The following TVP23A variants were observed in gnomAD, a reference collection of about 807,000 sequenced individuals.
TVP23A encodes the protein trans-golgi network vesicle protein 23 homolog A, also known as Golgi apparatus membrane protein TVP23 homolog A.
TVP23A carries 21 observed loss-of-function variants against 31.7 expected under a neutral mutation model. That is an observed-to-expected ratio of 0.66 (90% CI 0.47 to 0.95). TVP23A has a LOEUF of 0.95. TVP23A is among the 40% of genes least tolerant of loss of function. The probability of loss-of-function intolerance (pLI) is 0.00; values close to 1 mark genes in which losing one functional copy is unlikely to be tolerated. For missense variants in TVP23A, 279 were observed against 255.6 expected, an observed-to-expected ratio of 1.09 and a Z score of -0.62; for synonymous variants, 104 against 96.0, an observed-to-expected ratio of 1.08 and a Z score of -0.49.
At chr16:10,788,588 T>A (rs138615027) in intron 2 of TVP23A, among the ~76,000 whole-genome samples, 6,279 of 152,070 alleles carry the variant, frequency 0.041, 423 homozygotes, top group African/African-American at 0.14. Flanking sequence ...TTCATAAAGG[T>A]GGGAGCCAGG....
chr16:10,802,241 CGTGTGTGTGTGTGTGTGTGT>C (rs61036988), intron 2 of TVP23A, among the ~76,000 whole-genome samples: 10 of 130,486 alleles, frequency 7.7e-5, no homozygotes, highest in South Asian at 5.4e-4. Context: ...TTATATGATA[CGTGTGTGTGTGTGTGTGTGT>C]GTGTGTGTGT....
Position 10,818,531 on chromosome 16 carries a change from G to C in TVP23A, c.-38C>G, listed in dbSNP as rs1293231442. 13 of 1,595,910 alleles carry C rather than the reference G, an allele frequency of 8.1e-6. No homozygotes were observed. Among genetic ancestry groups the C allele is most frequent in the African/African-American group, 1.3e-5 (1 of 74,658 alleles). On this transcript the variant is annotated 5_prime_UTR_variant, in exon 1 of 8. Transcript: ENST00000299866. The surrounding 1 kb of genome is among the most constrained non-coding windows in gnomAD (Gnocchi z 4.7). ...AGCCCACCTGGCGCCCAGGCCCGGG[G>C]CTCCAGCTCCGCCCGTCGCCGCTGA...
At chr16:10,811,740 T>C (rs886094275) in intron 2 of TVP23A, among the ~76,000 whole-genome samples, 3 of 151,300 alleles carry the variant, frequency 2.0e-5, no homozygotes, top group African/African-American at 4.9e-5. Context: ...CCGTCTCTAC[T>C]AAAAATACAA....
At chr16:10,791,150 T>G (rs1449347461) in intron 2 of TVP23A, among the ~76,000 whole-genome samples, 1 of 152,116 alleles carries the variant, frequency 6.6e-6, no homozygotes, top group Non-Finnish European at 1.5e-5. Flanking sequence ...ATCACTCTAC[T>G]TATTGCTTGA....
chr16:10,766,727 G>A lies in TVP23A; in HGVS notation c.*2375C>T. The stretch of plus-strand genomic sequence containing the variant: ...AAAATGAAAGTCAACTCCACGGTGT[G>A]GGAGGAGAACGGGCCTGAGAATAGG... On this transcript the variant is annotated 3_prime_UTR_variant, in exon 8 of 8. Transcript: ENST00000299866. The surrounding 1 kb of genome is among the most constrained non-coding windows in gnomAD (Gnocchi z 4.8). 5.1e-6 allele frequency: 2 copies of A among 392,136 alleles called. No homozygotes were observed. Among genetic ancestry groups the A allele is most frequent in the Non-Finnish European group, 9.0e-6 (2 of 222,460 alleles). The allele number at this position is 392,136 out of a possible 1,614,324, so 24.3% of individuals were successfully genotyped here. A position where few individuals can be genotyped will look rare whatever the true frequency, so the allele number is the denominator to read the frequency against.
chr16:10,810,606 G>A (rs2034153051), intron 2 of TVP23A, among the ~76,000 whole-genome samples: 1 of 151,890 alleles, frequency 6.6e-6, no homozygotes, highest in African/African-American at 2.4e-5. Context: ...TTCCCAATCT[G>A]GATGGGCATT....
chr16:10,773,663 T>C (rs2031790497), intron 4 of TVP23A, among the ~76,000 whole-genome samples: 1 of 152,112 alleles, frequency 6.6e-6, no homozygotes, highest in Non-Finnish European at 1.5e-5. Flanking sequence ...CTCCGCCTCC[T>C]GGGTTCAAGT....
chr16:10,761,807 C>T (rs2029945827), downstream of TVP23A: 2 of 1,614,006 alleles, frequency 1.2e-6, no homozygotes, highest in Non-Finnish European at 1.7e-6. Context: ...AGCTCATGTG[C>T]CAGGACTTGG....
In TVP23A at chr16:10,769,008, A is replaced by C. The variant is rs1310734724; in HGVS notation, c.*94T>G. On this transcript the variant is annotated 3_prime_UTR_variant, in exon 8 of 8. Coordinates refer to ENST00000299866, the MANE Select transcript of TVP23A (RefSeq NM_001079512.4). ...AGGACAGGGCTGTCAAGGGGTAGAC[A>C]AGCCATTAGCACTCTATGCCTGTCG... The C allele has an allele frequency of 1.9e-6, 3 of 1,589,934 alleles. No homozygotes were observed. In the African/African-American group the frequency reaches 4.0e-5, roughly 21 times the overall value.
downstream of TVP23A, chr16:10,761,162 T>G (rs909663890): frequency 4.1e-6 from 2 of 485,452 alleles, no homozygotes; most frequent in Non-Finnish European, 7.5e-6. Flanking sequence ...GAACTGCCTG[T>G]TCCTGTAGGG....
intron 2 of TVP23A, among the ~76,000 whole-genome samples, chr16:10,787,679 T>A (rs1323619489): frequency 1.0e-5 from 1 of 99,030 alleles, no homozygotes; most frequent in Non-Finnish European, 1.6e-5. Flanking sequence ...GTGGGCTGGT[T>A]TTTTTCCCTT....
chr16:10,787,677 G>C (rs1418320135), intron 2 of TVP23A, among the ~76,000 whole-genome samples: 1 of 151,774 alleles, frequency 6.6e-6, no homozygotes, highest in Non-Finnish European at 1.5e-5. Flanking sequence ...CAGTGGGCTG[G>C]TTTTTTTCCC....
chr16:10,771,666 T>C lies in TVP23A; in HGVS notation c.582+4A>G. ...GGTCCAAGAGTCAGACCTCAGTTAC[T>C]CACCGTCTGGAACACTGTCTGGGAC... On this transcript the variant is annotated splice_donor_region_variant and intron_variant, in intron 6 of 7. Coordinates refer to ENST00000299866, the MANE Select transcript of TVP23A (RefSeq NM_001079512.4). The C allele has an allele frequency of 6.2e-7, 1 of 1,613,842 alleles. No individual in the cohort carries two copies. Among genetic ancestry groups the C allele is most frequent in the South Asian group, 1.1e-5 (1 of 91,018 alleles).
intron 2 of TVP23A, among the ~76,000 whole-genome samples, chr16:10,781,067 G>A (rs1053250306): frequency 5.9e-5 from 9 of 151,990 alleles, no homozygotes; most frequent in East Asian, 1.9e-4. Flanking sequence ...CGGTGCTAAC[G>A]CCTATAATCC....
intron 5 of TVP23A, 51 bp from the exon 6 acceptor site, chr16:10,771,849 C>T (rs1441356942): frequency 3.9e-6 from 6 of 1,539,876 alleles, no homozygotes; most frequent in East Asian, 2.5e-5. Flanking sequence ...GACAGAGTTT[C>T]GCTCTGTCGC....
chr16:10,813,618 T>C (rs2034298924), intron 2 of TVP23A, among the ~76,000 whole-genome samples: 4 of 152,106 alleles, frequency 2.6e-5, no homozygotes. Context: ...AAAGTTTGGA[T>C]CCTTTTTCTA....
chr16:10,804,832 T>G (rs2142999484), intron 2 of TVP23A, among the ~76,000 whole-genome samples: 1 of 152,232 alleles, frequency 6.6e-6, no homozygotes, highest in Admixed American at 6.5e-5. Context: ...AATTAACCAT[T>G]TTAAAGTACA....
At chr16:10,791,417 A>G (rs2033096218) in intron 2 of TVP23A, among the ~76,000 whole-genome samples, 1 of 152,174 alleles carries the variant, frequency 6.6e-6, no homozygotes, top group Admixed American at 6.6e-5. Context: ...CTTTTAATGA[A>G]AATCAGCCCC....
At chr16:10,793,705 G>T (rs2033227593) in intron 2 of TVP23A, among the ~76,000 whole-genome samples, 2 of 151,536 alleles carry the variant, frequency 1.3e-5, no homozygotes, top group Admixed American at 1.3e-4. Flanking sequence ...GACCAGCTTG[G>T]GAAACATAGG....
Sources: allele counts gnomAD v4.1 joint callset (sites outside exome capture counted in the v4.1 genomes callset), GRCh38; gene constraint gnomAD v4.1.1; non-coding constraint Gnocchi (gnomAD v3.1); transcripts MANE v1.5; gene names NCBI Gene and HGNC (gene_info 2026-07-23, HGNC 2026-07-21).